Variants in CLCN6 observed in about 807,000 individuals in gnomAD.
The protein encoded by CLCN6 is H(+)/Cl(-) exchange transporter 6.
CLCN6 carries 70 observed loss-of-function variants against 109.8 expected under a neutral mutation model. The ratio of observed to expected loss-of-function variants is 0.64; its 90% confidence interval spans 0.53 to 0.78. The LOEUF is 0.78. Ranked by LOEUF, CLCN6 falls within the 30% of genes least tolerant of loss-of-function variation. The pLI is 0.00. For synonymous variants in CLCN6, 444 were observed against 447.8 expected (o/e 0.99, Z 0.11); for missense variants, 984 against 1,142.3 (o/e 0.86, Z 2.00).
At chr1:11,837,267 G>A (rs1377540281) in intron 19 of CLCN6, 76 bp from the exon 20 acceptor site, 1 of 1,584,562 alleles carries the variant, frequency 6.3e-7, no homozygotes, top group Non-Finnish European at 8.6e-7. Context: ...AGTTGGATGG[G>A]GAGCGGGCTG....
At chr1:11,838,809 T>C (rs1428052772) in intron 22 of CLCN6, 149 bp downstream of exon 22, 1 of 1,161,172 alleles carries the variant, frequency 8.6e-7, no homozygotes, top group Non-Finnish European at 1.3e-6. Context: ...CCTGCTCGGC[T>C]TCCGTGCACT....
rs1391242012 is a variant in CLCN6 at position 11,819,461 on chromosome 1, G to A, written c.280-27G>A. On this transcript the variant is annotated intron_variant, in intron 4 of 22. Coordinates refer to ENST00000346436, the MANE Select transcript of CLCN6 (RefSeq NM_001286.5). ...TTGTGCTACACTTGGAAATAAGGCT[G>A]TGTGACAGATCTCTTGCTCTTCACA... 1.9e-6 allele frequency: 3 copies of A among 1,606,938 alleles called. No homozygotes were observed. The Admixed American group carries it at 5.0e-5, about 27-fold the overall frequency.
At chr1:11,825,113 A>G (rs1212389874) in intron 8 of CLCN6, among the ~76,000 whole-genome samples, 1 of 152,180 alleles carries the variant, frequency 6.6e-6, no homozygotes, top group Admixed American at 6.5e-5. Flanking sequence ...CGAGACCTCA[A>G]AGCTCCCATT....
chr1:11,837,478 T>C lies in CLCN6; in HGVS notation c.2274T>C (p.Val758=), dbSNP rs1644965484. Residue 758 remains valine (V), a synonymous_variant, in exon 20 of 23, where the codon GTT becomes GTC. Transcript: ENST00000346436. ...TTGTCACCCTGCTTGTCCGAGGAGTTTGTTACTCTGAAAGCCAGTCGGTAA... is the reference window on the plus strand; with the variant it reads ...TTGTCACCCTGCTTGTCCGAGGAGTCTGTTACTCTGAAAGCCAGTCGGTAA... The part of the protein sequence containing the change: ...SQLVTLLVRG[V]CYSESQSSAS... The C allele has an allele frequency of 6.2e-7, 1 of 1,613,826 alleles. No homozygotes were observed. Among genetic ancestry groups the C allele is most frequent in the South Asian group, 1.1e-5 (1 of 91,078 alleles).
intron 2 of CLCN6, among the ~76,000 whole-genome samples, chr1:11,814,796 G>A (rs1644647512): frequency 6.6e-6 from 1 of 151,976 alleles, no homozygotes; most frequent in Non-Finnish European, 1.5e-5. Context: ...ACTTTGGGAG[G>A]CTGAGGAGGG....
chr1:11,815,505 C>T (rs1398676781), intron 2 of CLCN6, among the ~76,000 whole-genome samples: 1 of 152,200 alleles, frequency 6.6e-6, no homozygotes, highest in Admixed American at 6.5e-5. Flanking sequence ...CAGTGATTCT[C>T]CTGCCTCAGC....
In CLCN6 at chr1:11,840,335, T is replaced by C. The variant is rs906336780; in HGVS notation, c.*112T>C. On this transcript the variant is annotated 3_prime_UTR_variant, in exon 23 of 23. Transcript: ENST00000346436. ...GCATGGAAGATTCCCAGTCACCCAC[T>C]CACTCAGAAAGCCGGGAGTCATCGG... 7 of 956,338 alleles carry C rather than the reference T, an allele frequency of 7.3e-6. No homozygotes were observed. Among genetic ancestry groups the C allele is most frequent in the Non-Finnish European group, 1.2e-5 (7 of 598,282 alleles). 59.2% of individuals were successfully genotyped at this position (956,338 alleles called of 1,614,324 possible).
intron 1 of CLCN6, 47 bp downstream of exon 1, chr1:11,806,396 G>A (rs1353891672): frequency 4.1e-5 from 60 of 1,448,776 alleles, no homozygotes; most frequent in Non-Finnish European, 5.4e-5. Flanking sequence ...GTTGCTAAGG[G>A]ACTGAGAGAG....
chr1:11,829,060 A>G, intron 12 of CLCN6, 136 bp from the exon 13 acceptor site: 1 of 981,496 alleles, frequency 1.0e-6, no homozygotes. Flanking sequence ...AATTCTGCAC[A>G]CATGTTGACT....
At chr1:11,813,616 C>T (rs953625196) in intron 2 of CLCN6, among the ~76,000 whole-genome samples, 3 of 152,172 alleles carry the variant, frequency 2.0e-5, no homozygotes, top group African/African-American at 7.2e-5. Context: ...GTCTCAAACT[C>T]TTGGCCTCAA....
At chr1:11,830,737 T>TCATATATATA (rs1359328796) in intron 13 of CLCN6, among the ~76,000 whole-genome samples, 8 of 91,112 alleles carry the variant, frequency 8.8e-5, no homozygotes, top group Admixed American at 6.9e-4. Flanking sequence ...TATGTATATA[T>TCATATATATA]TATATATATA....
At position 11,838,667 on chromosome 1, in the gene CLCN6, G is replaced by A. The variant is rs1376101705; in HGVS notation, c.2529+7G>A. On this transcript the variant is annotated splice_region_variant and intron_variant, in intron 22 of 22. Transcript: ENST00000346436. ...GGTGAACGCTGTGGGAGAGGTGAGC[G>A]AGGCCCCGGCCCTGCCCCCACCTTT... The A allele has an allele frequency of 3.1e-6, 5 of 1,614,094 alleles. No homozygotes were observed. The East Asian group carries it at 6.7e-5, about 22-fold the overall frequency.
At chr1:11,820,115 T>TAATATTACA (rs957075200) in intron 5 of CLCN6, among the ~76,000 whole-genome samples, 5 of 152,224 alleles carry the variant, frequency 3.3e-5, no homozygotes, top group Non-Finnish European at 7.3e-5. Context: ...GAATGACAGT[T>TAATATTACA]AATATTACAA....
rs965690579 is a variant in CLCN6, at chr1:11,841,940, T to C, written c.*1717T>C. 1.3e-5 allele frequency: 2 copies of C among 152,206 alleles called. No individual in the cohort carries two copies. Among genetic ancestry groups the C allele is most frequent in the African/African-American group, 4.8e-5 (2 of 41,442 alleles). 9.4% of individuals were successfully genotyped at this position (152,206 alleles called of 1,614,324 possible). ...AAATGGGGATAATACTCCCAGGAAA[T>C]AGCGCAGGACATCACAAGGACCAAA... On this transcript the variant is annotated 3_prime_UTR_variant, in exon 23 of 23. Coordinates refer to ENST00000346436, the MANE Select transcript of CLCN6 (RefSeq NM_001286.5).
chr1:11,822,624 T>G (rs1175955196), intron 5 of CLCN6, 71 bp from the exon 6 acceptor site: 5 of 890,020 alleles, frequency 5.6e-6, no homozygotes, highest in Non-Finnish European at 9.4e-6. Context: ...GAGAAGCAGC[T>G]GCACCCTCTC....
At position 11,833,954 on chromosome 1, in the gene CLCN6, G is replaced by T; in HGVS notation, c.1450G>T (p.Val484Phe). 1 of 1,614,032 alleles carries T rather than the reference G, an allele frequency of 6.2e-7. No individual in the cohort carries two copies. The highest frequency in any genetic ancestry group is 8.5e-7 in the Non-Finnish European group (1 of 1,180,012). The change falls in exon 15 of 23, where the codon GTT (valine) becomes TTT (phenylalanine). Residue 484 changes from valine to phenylalanine, a missense_variant. Transcript: ENST00000346436. ...LLACWTYGIS[V>F]PSGLFVPSLL... The stretch of plus-strand genomic sequence containing the variant: ...TGCATGTTGGACTTACGGCATTTCT[G>T]TTCCAAGTGGCCTTTTTGTGCCTTC...
chr1:11,815,315 A>G (rs935295759), intron 2 of CLCN6, among the ~76,000 whole-genome samples: 2 of 152,248 alleles, frequency 1.3e-5, no homozygotes, highest in African/African-American at 4.8e-5. Context: ...GTATGAACCT[A>G]AAGCAACACC....
intron 9 of CLCN6, 40 bp from the exon 10 acceptor site, chr1:11,827,049 G>A: frequency 1.9e-6 from 3 of 1,605,714 alleles, no homozygotes; most frequent in South Asian, 1.1e-5. Flanking sequence ...TGGGGGCTGG[G>A]GGCTCTTTAT....
chr1:11,824,307 TTTCTC>T lies in CLCN6; in HGVS notation c.581-174_581-170del, dbSNP rs372107265. Among the ~76,000 whole-genome samples the T allele has an allele frequency of 5.0e-3, 766 of 152,300 alleles. 8 individuals carry two copies. Among genetic ancestry groups the T allele is most frequent in the African/African-American group, 0.018 (728 of 41,548 alleles). On this transcript the variant is annotated intron_variant, in intron 7 of 22. Coordinates refer to ENST00000346436, the MANE Select transcript of CLCN6 (RefSeq NM_001286.5). ...ACACACAATTTAGAATGTAGAGTGT[TTTCTC>T]TTCTAGCAAGACTTGAAATGGAGCT...
Sources: allele counts gnomAD v4.1 joint callset (sites outside exome capture counted in the v4.1 genomes callset), GRCh38; gene constraint gnomAD v4.1.1; transcripts MANE v1.5; gene names NCBI Gene and HGNC (gene_info 2026-07-23, HGNC 2026-07-21).